Variants in TMEM132D observed in about 807,000 individuals in gnomAD.
TMEM132D encodes the protein mature OL transmembrane protein.
TMEM132D carries 21 observed loss-of-function variants against 62.3 expected under a neutral mutation model. The observed-to-expected ratio is 0.34, with a 90% CI of 0.24 to 0.49. The LOEUF (loss-of-function observed/expected upper bound fraction) is 0.49. Ranked by LOEUF, TMEM132D falls within the 20% of genes least tolerant of loss-of-function variation. The pLI, the probability that TMEM132D is intolerant of heterozygous loss-of-function variation, is 0.99. For synonymous variants in TMEM132D, 621 were observed against 575.6 expected (o/e 1.08, Z -1.13); for missense variants, 1,346 against 1,402.8 (o/e 0.96, Z 0.65).
chr12:129,747,452 TCTCA>T (rs1869835645), intron 1 of TMEM132D, among the ~76,000 whole-genome samples: 2 of 140,222 alleles, frequency 1.4e-5, no homozygotes, highest in African/African-American at 5.4e-5. Context: ...TCAGTCACCC[TCTCA>T]CACACATTCA....
At chr12:129,877,170 T>TAATA (rs369206720) in intron 1 of TMEM132D, among the ~76,000 whole-genome samples, 1 of 130,554 alleles carries the variant, frequency 7.7e-6, no homozygotes, top group Non-Finnish European at 1.6e-5. Context: ...ATGAATATTA[T>TAATA]ATTTATAATT....
intron 3 of TMEM132D, among the ~76,000 whole-genome samples, chr12:129,513,846 T>TTA (rs1875582989): frequency 1.5e-5 from 2 of 130,628 alleles, no homozygotes; most frequent in African/African-American, 3.0e-5. Context: ...ATTTATTTAT[T>TTA]TATTTTTTTG....
At chr12:129,602,719 C>T (rs2137143978) in intron 2 of TMEM132D, among the ~76,000 whole-genome samples, 1 of 152,286 alleles carries the variant, frequency 6.6e-6, no homozygotes, top group Non-Finnish European at 1.5e-5. Context: ...ACACAGCCCT[C>T]CTCCTTATCA....
At chr12:129,242,423 T>C (rs550254729) in intron 4 of TMEM132D, among the ~76,000 whole-genome samples, 2 of 152,368 alleles carry the variant, frequency 1.3e-5, no homozygotes, top group South Asian at 2.1e-4. Flanking sequence ...TTGATAATTA[T>C]ATATTTACAC....
intron 2 of TMEM132D, among the ~76,000 whole-genome samples, chr12:129,686,682 A>C (rs971661168): frequency 6.6e-6 from 1 of 152,262 alleles, no homozygotes; most frequent in African/African-American, 2.4e-5. Context: ...ACATTTTGCC[A>C]AAGCAAATCC....
At chr12:129,226,311 G>A (rs1162088547) in intron 4 of TMEM132D, among the ~76,000 whole-genome samples, 7 of 152,260 alleles carry the variant, frequency 4.6e-5, no homozygotes, top group African/African-American at 1.7e-4. Context: ...CAGGATCACA[G>A]GGCAATGCCT....
intron 3 of TMEM132D, among the ~76,000 whole-genome samples, chr12:129,429,567 C>G (rs1424327389): frequency 6.7e-6 from 1 of 148,856 alleles, no homozygotes. Context: ...TGCCACCACA[C>G]CCAGCTAATT....
At chr12:129,614,462 G>A (rs1244375085) in intron 2 of TMEM132D, among the ~76,000 whole-genome samples, 1 of 152,210 alleles carries the variant, frequency 6.6e-6, no homozygotes, top group African/African-American at 2.4e-5. Context: ...ATAATGGAAT[G>A]CTTAATAACC....
chr12:129,589,120 T>C (rs1259643023), intron 2 of TMEM132D, among the ~76,000 whole-genome samples: 1 of 152,114 alleles, frequency 6.6e-6, no homozygotes, highest in Non-Finnish European at 1.5e-5. Flanking sequence ...TCAAATCTCA[T>C]CTTGAATTGT....
intron 4 of TMEM132D, among the ~76,000 whole-genome samples, chr12:129,304,310 A>G (rs1173328961): frequency 6.6e-6 from 1 of 151,768 alleles, no homozygotes; most frequent in Non-Finnish European, 1.5e-5. Flanking sequence ...CCGTGCAAAG[A>G]CCAGGTCATG....
chr12:129,340,046 C>G (rs926819621), intron 3 of TMEM132D, among the ~76,000 whole-genome samples: 1 of 152,180 alleles, frequency 6.6e-6, no homozygotes, highest in African/African-American at 2.4e-5. Flanking sequence ...AAACCTTATA[C>G]ATCTCTTCAT....
chr12:129,846,094 C>T (rs931251202), intron 1 of TMEM132D, among the ~76,000 whole-genome samples: 1 of 152,126 alleles, frequency 6.6e-6, no homozygotes, highest in African/African-American at 2.4e-5. Flanking sequence ...TTGCCTTGTC[C>T]CTGTTTCAGG....
At chr12:129,114,669 G>T in intron 5 of TMEM132D, among the ~76,000 whole-genome samples, 1 of 152,110 alleles carries the variant, frequency 6.6e-6, no homozygotes, top group East Asian at 1.9e-4. Context: ...GCATGCCCCT[G>T]CAGCCACTAC....
intron 5 of TMEM132D, among the ~76,000 whole-genome samples, chr12:129,192,210 T>TG (rs1208462952): frequency 6.6e-6 from 1 of 152,216 alleles, no homozygotes; most frequent in Non-Finnish European, 1.5e-5. Flanking sequence ...GCCTCCATCC[T>TG]GGGTGACTTG....
chr12:129,107,138 A>G (rs1201554653), intron 5 of TMEM132D, among the ~76,000 whole-genome samples: 1 of 152,226 alleles, frequency 6.6e-6, no homozygotes, highest in African/African-American at 2.4e-5. Flanking sequence ...ATTCATGTGC[A>G]AGAGCTCTAA....
intron 3 of TMEM132D, among the ~76,000 whole-genome samples, chr12:129,491,132 C>T (rs192175948): frequency 1.3e-5 from 2 of 152,238 alleles, no homozygotes; most frequent in East Asian, 1.9e-4. Flanking sequence ...GGTACCATCA[C>T]CTAGTTAGGC....
At chr12:129,691,126 T>C (rs1285486340) in intron 2 of TMEM132D, among the ~76,000 whole-genome samples, 4 of 151,976 alleles carry the variant, frequency 2.6e-5, no homozygotes, top group Admixed American at 2.6e-4. Context: ...TAAAGTATTT[T>C]AAACTAAATT....
chr12:129,518,761 A>G (rs1174401869), intron 3 of TMEM132D, among the ~76,000 whole-genome samples: 4 of 152,134 alleles, frequency 2.6e-5, no homozygotes, highest in African/African-American at 9.7e-5. Context: ...TGAAACTGCT[A>G]TAGTTATTTA....
chr12:129,768,926 G>A (rs1038235074), intron 1 of TMEM132D, among the ~76,000 whole-genome samples: 15 of 152,182 alleles, frequency 9.9e-5, no homozygotes, highest in African/African-American at 3.6e-4. Context: ...TGGCAGTTCA[G>A]TTCTAAAGGT....
Sources: gnomAD v4.1 joint callset for allele counts (sites outside exome capture counted in the v4.1 genomes callset) on GRCh38, gnomAD v4.1.1 for gene constraint, MANE v1.5 for transcripts, NCBI Gene and HGNC (gene_info 2026-07-23, HGNC 2026-07-21) for gene names.